The following LUC7L2 variants were observed in gnomAD, a reference collection of about 807,000 sequenced individuals.
LUC7L2 encodes putative RNA-binding protein Luc7-like 2.
A neutral mutation model predicts 52.8 loss-of-function variants in LUC7L2; 25 were observed. The ratio of observed to expected loss-of-function variants is 0.47; its 90% confidence interval spans 0.34 to 0.66. The LOEUF (loss-of-function observed/expected upper bound fraction) is 0.66. LUC7L2 is among the 30% of genes least tolerant of loss of function. The probability of loss-of-function intolerance (pLI) is 0.01; values close to 1 mark genes in which losing one functional copy is unlikely to be tolerated. For synonymous variants in LUC7L2, 144 were observed against 160.9 expected (o/e 0.89, Z 0.80); for missense variants, 328 against 497.8 (o/e 0.66, Z 3.25).
At chr7:139,363,823 GTTGGATTAA>G (rs1800001300) in intron 1 of LUC7L2, among the ~76,000 whole-genome samples, 1 of 152,098 alleles carries the variant, frequency 6.6e-6, no homozygotes. Flanking sequence ...TTTTTGCTCA[GTTGGATTAA>G]TTGCAAGGAT....
At chr7:139,344,071 A>C (rs2131141750) in intron 1 of LUC7L2, among the ~76,000 whole-genome samples, 1 of 152,174 alleles carries the variant, frequency 6.6e-6, no homozygotes, top group South Asian at 2.1e-4. Context: ...CCTTTCTCAC[A>C]GCCTTGAATA....
chr7:139,386,066 A>G (rs1471180799), intron 2 of LUC7L2, among the ~76,000 whole-genome samples: 4 of 151,278 alleles, frequency 2.6e-5, no homozygotes, highest in African/African-American at 7.3e-5. Context: ...GCAATGGCAC[A>G]ATCTTGGCTC....
intron 1 of LUC7L2, among the ~76,000 whole-genome samples, chr7:139,349,013 C>A (rs1189610315): frequency 1.8e-5 from 2 of 111,802 alleles, no homozygotes; most frequent in Non-Finnish European, 3.3e-5. Context: ...ATGCAAAAAA[C>A]TAGCCAGACA....
intron 1 of LUC7L2, among the ~76,000 whole-genome samples, chr7:139,350,823 C>T (rs1754539632): frequency 6.6e-6 from 1 of 151,820 alleles, no homozygotes; most frequent in South Asian, 2.1e-4. Flanking sequence ...TTAACAGGCG[C>T]CCGCCACAAC....
At chr7:139,347,303 T>C (rs1309679658) in intron 1 of LUC7L2, among the ~76,000 whole-genome samples, 1 of 152,032 alleles carries the variant, frequency 6.6e-6, no homozygotes, top group Admixed American at 6.6e-5. Flanking sequence ...ATAAAGCAGT[T>C]CAAGCCGGGT....
intron 9 of LUC7L2, 22 bp from the exon 10 acceptor site, chr7:139,422,141 T>C: frequency 6.3e-7 from 1 of 1,580,540 alleles, no homozygotes; most frequent in South Asian, 1.2e-5. Context: ...CATATTTTGC[T>C]CCTCAAATTA....
At chr7:139,392,373 T>G in intron 2 of LUC7L2, 1 of 353,938 alleles carries the variant, frequency 2.8e-6, no homozygotes, top group Non-Finnish European at 5.6e-6. Flanking sequence ...ACATTCACTT[T>G]TGGAATTTCA....
At chr7:139,346,375 G>C (rs1799271838) in intron 1 of LUC7L2, 1 of 152,038 alleles carries the variant, frequency 6.6e-6, no homozygotes, top group Non-Finnish European at 1.5e-5. Context: ...ATTACTAACA[G>C]TTTGATGTGC....
intron 2 of LUC7L2, among the ~76,000 whole-genome samples, chr7:139,397,098 G>A (rs1794694089): frequency 6.6e-6 from 1 of 152,102 alleles, no homozygotes; most frequent in Non-Finnish European, 1.5e-5. Flanking sequence ...ACAAAGCTAA[G>A]GCTCAGACCT....
intron 1 of LUC7L2, among the ~76,000 whole-genome samples, chr7:139,347,160 G>A (rs1232711913): frequency 6.6e-6 from 1 of 151,916 alleles, no homozygotes; most frequent in Non-Finnish European, 1.5e-5. Flanking sequence ...CTCTTTTCTC[G>A]GGGACTATGT....
intron 6 of LUC7L2, among the ~76,000 whole-genome samples, chr7:139,408,922 C>G (rs1398652008): frequency 6.6e-6 from 1 of 151,548 alleles, no homozygotes; most frequent in African/African-American, 2.4e-5. Flanking sequence ...CCAAGGTGGC[C>G]AGATCACTTG....
intron 1 of LUC7L2, among the ~76,000 whole-genome samples, chr7:139,366,096 CAG>C (rs1243033942): frequency 6.6e-6 from 1 of 152,200 alleles, no homozygotes; most frequent in African/African-American, 2.4e-5. Flanking sequence ...TCAAAGCCGT[CAG>C]AAAGTAACAT....
rs1228531437 is a variant in LUC7L2 at position 139,422,956 on chromosome 7, T to G, written c.*616T>G. The G allele has an allele frequency of 3.0e-5, 12 of 398,874 alleles. No homozygotes were observed. Among genetic ancestry groups the G allele is most frequent in the Non-Finnish European group, 4.9e-5 (11 of 226,070 alleles). 24.7% of individuals were successfully genotyped at this position (398,874 alleles called of 1,614,324 possible). A position where few individuals can be genotyped will look rare whatever the true frequency, so the allele number is the denominator to read the frequency against. ...GAACAGCTGTTGCATTACATACTTT[T>G]GCTTTTTTATTGAAATTTTGAAATC... is the stretch of plus-strand genomic sequence containing the variant. On this transcript the variant is annotated 3_prime_UTR_variant, in exon 10 of 10. Coordinates refer to ENST00000354926, the MANE Select transcript of LUC7L2 (RefSeq NM_016019.5).
intron 1 of LUC7L2, among the ~76,000 whole-genome samples, chr7:139,348,323 C>T (rs1254129203): frequency 6.6e-6 from 1 of 151,578 alleles, no homozygotes; most frequent in Non-Finnish European, 1.5e-5. Flanking sequence ...TAGGCATGAG[C>T]CACCATGTCT....
intron 7 of LUC7L2, 115 bp from the exon 8 acceptor site, chr7:139,412,431 ACACGC>A (rs2131304760): frequency 8.0e-7 from 1 of 1,250,702 alleles, no homozygotes; most frequent in East Asian, 2.6e-5. Context: ...GTGCGTAGGT[ACACGC>A]CTTGTATTTA....
chr7:139,387,740 A>G (rs1402879172), intron 2 of LUC7L2, among the ~76,000 whole-genome samples: 6 of 152,130 alleles, frequency 3.9e-5, no homozygotes, highest in African/African-American at 1.4e-4. Context: ...AATAAATCGT[A>G]TAAGTTGTTT....
At chr7:139,419,787 A>C (rs546432086) in intron 9 of LUC7L2, among the ~76,000 whole-genome samples, 1 of 152,240 alleles carries the variant, frequency 6.6e-6, no homozygotes, top group Non-Finnish European at 1.5e-5. Context: ...ATGTTCATAA[A>C]GAGGATTATT....
intron 1 of LUC7L2, chr7:139,345,966 G>A (rs1215863267): frequency 1.6e-5 from 4 of 243,440 alleles, no homozygotes; most frequent in Admixed American, 1.1e-4. Flanking sequence ...AGCCAGGCAC[G>A]GTGGCTCACG....
chr7:139,371,481 TG>T, intron 1 of LUC7L2: 1 of 1,549,456 alleles, frequency 6.5e-7, no homozygotes, highest in Non-Finnish European at 8.7e-7. Context: ...AAAATTTTGA[TG>T]TTTTTAAAAT....
Sources: gnomAD v4.1 joint callset for allele counts (sites outside exome capture counted in the v4.1 genomes callset) on GRCh38, gnomAD v4.1.1 for gene constraint, MANE v1.5 for transcripts, NCBI Gene and HGNC (gene_info 2026-07-23, HGNC 2026-07-21) for gene names.